Variants in CTIF observed in about 807,000 individuals in gnomAD.
CTIF encodes the protein cap binding complex dependent translation initiation factor.
Under a neutral mutation model 66.0 loss-of-function variants are expected in CTIF, and 21 were observed. That is an observed-to-expected ratio of 0.32 (90% CI 0.23 to 0.46). The LOEUF (loss-of-function observed/expected upper bound fraction) is 0.46, where lower values mean the gene tolerates loss of function less well. Among genes scored for constraint, CTIF ranks in the 20% least tolerant of loss-of-function variants. CTIF has a pLI of 1.00. For missense variants in CTIF, 739 were observed against 812.7 expected (o/e 0.91, Z 1.10); for synonymous variants, 345 against 326.4 (o/e 1.06, Z -0.62).
At chr18:48,636,707 C>G (rs747853859) in intron 3 of CTIF, 22 bp downstream of exon 3, 1 of 1,571,388 alleles carries the variant, frequency 6.4e-7, no homozygotes, top group African/African-American at 1.4e-5. Context: ...GCTCTGCGCT[C>G]TGTCTGGGGG....
rs1017491199 is a variant in CTIF, at chr18:48,670,839, C to A, written c.507+95C>A. On this transcript the variant is annotated intron_variant, in intron 6 of 11. Coordinates refer to ENST00000256413, the MANE Select transcript of CTIF (RefSeq NM_014772.3). Reference sequence around the variant, plus strand: ...GACCTAACCAAAGCACTCCTTCTGGCTGCTTGTTCCAGCAAGGAGTGTAAC... The same window carrying A: ...GACCTAACCAAAGCACTCCTTCTGGATGCTTGTTCCAGCAAGGAGTGTAAC... The A allele has an allele frequency of 6.4e-5, 69 of 1,080,986 alleles. No individual in the cohort carries two copies. The South Asian group carries it at 8.5e-4, about 13-fold the overall frequency. The allele number at this position is 1,080,986 out of a possible 1,614,324, so 67.0% of individuals were successfully genotyped here. A position where few individuals can be genotyped will look rare whatever the true frequency, so the allele number is the denominator to read the frequency against.
At chr18:48,711,775 T>C in intron 7 of CTIF, 80 bp downstream of exon 7, 1 of 1,250,746 alleles carries the variant, frequency 8.0e-7, no homozygotes, top group Non-Finnish European at 1.2e-6. Context: ...TTGGCCTGCA[T>C]TTCGCTTTTC....
chr18:48,560,667 C>T (rs572657982), intron 1 of CTIF, among the ~76,000 whole-genome samples: 1 of 152,238 alleles, frequency 6.6e-6, no homozygotes, highest in African/African-American at 2.4e-5. Flanking sequence ...GCCTCTTGGC[C>T]TCAAGCCATC....
At chr18:48,629,770 T>A (rs1216941526) in intron 2 of CTIF, among the ~76,000 whole-genome samples, 12 of 152,220 alleles carry the variant, frequency 7.9e-5, no homozygotes, top group Admixed American at 7.8e-4. Context: ...TTTTTGGCTG[T>A]GTATTCCTGG....
intron 5 of CTIF, among the ~76,000 whole-genome samples, chr18:48,665,069 C>T (rs555736634): frequency 0.011 from 1,624 of 151,762 alleles, 17 homozygotes; most frequent in African/African-American, 0.035. Context: ...CGCCCGCCAC[C>T]GCGCCCGGCT....
intron 1 of CTIF, among the ~76,000 whole-genome samples, chr18:48,614,925 G>A (rs2878882): frequency 0.039 from 5,932 of 152,134 alleles, 412 homozygotes; most frequent in African/African-American, 0.14. Flanking sequence ...CTTTCAGACA[G>A]AAACTCACTC....
At chr18:48,707,757 A>T (rs2092176638) in intron 6 of CTIF, among the ~76,000 whole-genome samples, 1 of 152,172 alleles carries the variant, frequency 6.6e-6, no homozygotes, top group Non-Finnish European at 1.5e-5. Context: ...CTCATAGTAT[A>T]CAGCTTAGTG....
Position 48,784,328 on chromosome 18 carries a change from C to T in CTIF, c.1371+22639C>T, listed in dbSNP as rs192556303. On this transcript the variant is annotated intron_variant, in intron 9 of 11. Transcript: ENST00000256413. ...AACGTGCAGAAGGGCATTGTCTAGG[C>T]GAATACAGGAGCATGAGCAGAGGCA... Among the ~76,000 whole-genome samples, 9 of 152,314 alleles carry T rather than the reference C, an allele frequency of 5.9e-5. No homozygotes were observed. In the East Asian group the frequency reaches 1.2e-3, roughly 20 times the overall value.
At chr18:48,796,152 T>C (rs1385964364) in intron 9 of CTIF, among the ~76,000 whole-genome samples, 2 of 152,110 alleles carry the variant, frequency 1.3e-5, no homozygotes, top group Non-Finnish European at 2.9e-5. Flanking sequence ...TGTGCCACCA[T>C]GCCCGGCTAA....
chr18:48,597,877 C>T (rs376483078), intron 1 of CTIF, among the ~76,000 whole-genome samples: 21 of 152,338 alleles, frequency 1.4e-4, no homozygotes, highest in African/African-American at 3.4e-4. Flanking sequence ...GGAGGGCCAA[C>T]GCTGGGTGTT....
At chr18:48,799,593 A>G (rs894901806) in intron 9 of CTIF, among the ~76,000 whole-genome samples, 2 of 151,742 alleles carry the variant, frequency 1.3e-5, no homozygotes, top group African/African-American at 4.8e-5. Context: ...TCTCCTGGGG[A>G]ACTTCTATAA....
At chr18:48,680,157 C>T (rs1344179925) in intron 6 of CTIF, among the ~76,000 whole-genome samples, 1 of 152,234 alleles carries the variant, frequency 6.6e-6, no homozygotes, top group Non-Finnish European at 1.5e-5. Context: ...TCCCTCCAGG[C>T]ACCAGGGAAG....
intron 1 of CTIF, among the ~76,000 whole-genome samples, chr18:48,570,333 G>A (rs1324629743): frequency 1.3e-5 from 2 of 152,250 alleles, no homozygotes; most frequent in Non-Finnish European, 2.9e-5. Context: ...AATAAAGCCA[G>A]TTGCTGTTTG....
chr18:48,638,757 A>G (rs1409304489), intron 3 of CTIF, among the ~76,000 whole-genome samples: 1 of 152,212 alleles, frequency 6.6e-6, no homozygotes, highest in Non-Finnish European at 1.5e-5. Flanking sequence ...ATATAACTCA[A>G]CTTAAAAGTG....
In CTIF at chr18:48,799,015, G is replaced by A. The variant is rs536969144; in HGVS notation, c.1372-18206G>A. Among the ~76,000 whole-genome samples the A allele has an allele frequency of 5.9e-5, 9 of 152,266 alleles. No homozygotes were observed. The South Asian group carries it at 6.2e-4, about 11-fold the overall frequency. On this transcript the variant is annotated intron_variant, in intron 9 of 11. Coordinates refer to ENST00000256413, the MANE Select transcript of CTIF (RefSeq NM_014772.3). ...GGAGCCTCCTCTCGCTGCCACCAGC[G>A]CGTGACTTGACAGGAGGTGGCTGGG...
At chr18:48,557,153 G>A (rs924076754) in intron 1 of CTIF, among the ~76,000 whole-genome samples, 6 of 152,090 alleles carry the variant, frequency 3.9e-5, no homozygotes, top group African/African-American at 1.2e-4. Context: ...TTGTGGCCTG[G>A]GGGTAGGGAC....
At chr18:48,698,425 C>T (rs1028001536) in intron 6 of CTIF, among the ~76,000 whole-genome samples, 1 of 152,164 alleles carries the variant, frequency 6.6e-6, no homozygotes, top group Non-Finnish European at 1.5e-5. Flanking sequence ...GTTGCCCCGG[C>T]TGGTCTCGAA....
At chr18:48,849,191 CTTTTTTTTTTT>C (rs892473113) in intron 10 of CTIF, among the ~76,000 whole-genome samples, 14 of 98,984 alleles carry the variant, frequency 1.4e-4, no homozygotes, top group East Asian at 5.3e-4. Context: ...CTACCAATGC[CTTTTTTTTTTT>C]TTTTTTTTTT....
chr18:48,786,320 C>G (rs1176861376), intron 9 of CTIF, among the ~76,000 whole-genome samples: 3 of 152,180 alleles, frequency 2.0e-5, no homozygotes, highest in African/African-American at 7.2e-5. Flanking sequence ...ACCTGAGCCT[C>G]ACTCAGCAGA....
Sources: gnomAD v4.1 joint callset for allele counts (sites outside exome capture counted in the v4.1 genomes callset) on GRCh38, gnomAD v4.1.1 for gene constraint, MANE v1.5 for transcripts, NCBI Gene and HGNC (gene_info 2026-07-23, HGNC 2026-07-21) for gene names.